The following SLC12A2 variants were observed in gnomAD, a reference collection of about 807,000 sequenced individuals.
SLC12A2 encodes solute carrier family 12 member 2.
In SLC12A2, 67 loss-of-function variants were observed where a neutral mutation model predicts 136.3. The ratio of observed to expected loss-of-function variants is 0.49; its 90% CI spans 0.40 to 0.60. The LOEUF is 0.60. Ranked by LOEUF, SLC12A2 falls within the 20% of genes least tolerant of loss-of-function variation. SLC12A2 has a pLI of 0.00. For synonymous variants in SLC12A2, 619 were observed against 562.9 expected (o/e 1.10, Z -1.41); for missense variants, 1,322 against 1,534.7 (o/e 0.86, Z 2.32).
Position 128,148,744 on chromosome 5 carries a change from C to A in SLC12A2, c.1882-10C>A. The A allele has an allele frequency of 1.3e-6, 2 of 1,567,432 alleles. No homozygotes were observed. Among genetic ancestry groups the A allele is most frequent in the Non-Finnish European group, 8.6e-7 (1 of 1,163,676 alleles). ...TTAATATGTTTCATTTTAATGTTTT[C>A]TTTCATTAGGCTCTATGTAAGGACA... On this transcript the variant is annotated splice_polypyrimidine_tract_variant and intron_variant, in intron 11 of 26. Transcript: ENST00000262461.
intron 1 of SLC12A2, among the ~76,000 whole-genome samples, chr5:128,112,350 C>A (rs1052573026): frequency 6.6e-6 from 1 of 152,096 alleles, no homozygotes; most frequent in Admixed American, 6.5e-5. Context: ...CATGGGATTC[C>A]TGCTGTCATG....
In SLC12A2 at chr5:128,112,799, T is replaced by TC; in HGVS notation, c.757-14dup. On this transcript the variant is annotated splice_polypyrimidine_tract_variant and intron_variant, in intron 1 of 26. Coordinates refer to ENST00000262461, the MANE Select transcript of SLC12A2 (RefSeq NM_001046.3). ...TTAAATGTTAAGCATAATTCATATT[T>TC]CTTTTTATAACCAGGAACCTTTTGA... The TC allele has an allele frequency of 6.3e-7, 1 of 1,583,956 alleles. No individual in the cohort carries two copies. Among genetic ancestry groups the TC allele is most frequent in the Non-Finnish European group, 8.6e-7 (1 of 1,165,442 alleles).
At chr5:128,126,967 T>TATATATATATATATATATATAA (rs1491322749) in intron 4 of SLC12A2, among the ~76,000 whole-genome samples, 4 of 29,650 alleles carry the variant, frequency 1.3e-4, no homozygotes, top group African/African-American at 7.7e-4. Flanking sequence ...TATATATATA[T>TATATATATATATATATATATAA]TTTTTTTTTT....
In SLC12A2 at chr5:128,182,460, G is replaced by A. The variant is rs146613357; in HGVS notation, c.3213-395G>A. ...CCCACAGGTCATATTTGGGCCCTGAGATAAGTGTTCTTGGATGGAAGAATA... is the reference window on the plus strand; with the variant it reads ...CCCACAGGTCATATTTGGGCCCTGAAATAAGTGTTCTTGGATGGAAGAATA... On this transcript the variant is annotated intron_variant, in intron 23 of 26. Transcript: ENST00000262461. Among the ~76,000 whole-genome samples the A allele has an allele frequency of 6.0e-3, 906 of 152,180 alleles. 14 individuals carry two copies. Among genetic ancestry groups the A allele is most frequent in the African/African-American group, 0.019 (791 of 41,536 alleles).
chr5:128,116,698 T>C (rs918996469), intron 4 of SLC12A2, among the ~76,000 whole-genome samples: 8 of 152,170 alleles, frequency 5.3e-5, no homozygotes, highest in Non-Finnish European at 8.8e-5. Context: ...GTTATTAATT[T>C]AAAGAGTGAC....
At chr5:128,142,104 A>G in intron 10 of SLC12A2, 123 bp downstream of exon 10, 1 of 847,112 alleles carries the variant, frequency 1.2e-6, no homozygotes, top group Non-Finnish European at 1.8e-6. Flanking sequence ...ATTTTTTTTA[A>G]TTTTTAATTT....
intron 4 of SLC12A2, among the ~76,000 whole-genome samples, chr5:128,116,960 CTG>C (rs369676094): frequency 6.6e-6 from 1 of 152,126 alleles, no homozygotes; most frequent in African/African-American, 2.4e-5. Context: ...AGGCATAAAA[CTG>C]AGATCACATT....
chr5:128,093,404 C>A (rs993828035), intron 1 of SLC12A2, among the ~76,000 whole-genome samples: 4 of 152,080 alleles, frequency 2.6e-5, no homozygotes, highest in Non-Finnish European at 4.4e-5. Context: ...CGTCTTCTAC[C>A]CACACTCCTC....
intron 16 of SLC12A2, among the ~76,000 whole-genome samples, chr5:128,160,272 G>C (rs1301157307): frequency 6.6e-6 from 1 of 151,942 alleles, no homozygotes; most frequent in Non-Finnish European, 1.5e-5. Context: ...ATAGCATTAG[G>C]TGAAATACCT....
intron 11 of SLC12A2, 33 bp from the exon 12 acceptor site, chr5:128,148,721 A>G: frequency 6.5e-7 from 1 of 1,534,276 alleles, no homozygotes; most frequent in Non-Finnish European, 8.8e-7. Flanking sequence ...GTCTAATTTT[A>G]ATATGTTTCA....
At chr5:128,164,026 G>A (rs1477129793) in intron 17 of SLC12A2, among the ~76,000 whole-genome samples, 2 of 152,078 alleles carry the variant, frequency 1.3e-5, no homozygotes, top group Non-Finnish European at 2.9e-5. Context: ...CATTCTGATA[G>A]CCAATTTATA....
intron 7 of SLC12A2, among the ~76,000 whole-genome samples, chr5:128,138,272 T>C (rs571013262): frequency 6.6e-6 from 1 of 152,252 alleles, no homozygotes; most frequent in East Asian, 1.9e-4. Context: ...TCTTGCTTCT[T>C]TTACCTCAGA....
intron 1 of SLC12A2, among the ~76,000 whole-genome samples, chr5:128,100,155 G>T (rs1214975516): frequency 6.6e-6 from 1 of 152,134 alleles, no homozygotes; most frequent in Non-Finnish European, 1.5e-5. Flanking sequence ...GTCAGTAGGA[G>T]AGGAATGTTT....
At chr5:128,087,169 A>G (rs993764417) in intron 1 of SLC12A2, among the ~76,000 whole-genome samples, 1 of 152,238 alleles carries the variant, frequency 6.6e-6, no homozygotes, top group African/African-American at 2.4e-5. Flanking sequence ...CTGTAGGGGA[A>G]AAGATAAATA....
intron 16 of SLC12A2, 110 bp from the exon 17 acceptor site, chr5:128,161,550 C>A: frequency 1.9e-6 from 1 of 540,168 alleles, no homozygotes; most frequent in Non-Finnish European, 2.9e-6. Context: ...ATACTTCTGA[C>A]CCTACATTTA....
chr5:128,170,898 C>G (rs1217197763), intron 18 of SLC12A2: 2 of 152,068 alleles, frequency 1.3e-5, no homozygotes, highest in Non-Finnish European at 2.9e-5. Context: ...GAGTTCAAGA[C>G]CAGCCTGGCC....
intron 1 of SLC12A2, among the ~76,000 whole-genome samples, chr5:128,105,012 G>A (rs1312910841): frequency 6.6e-6 from 1 of 151,986 alleles, no homozygotes; most frequent in Non-Finnish European, 1.5e-5. Flanking sequence ...TATAACATGT[G>A]GAATTCTGTC....
rs1410989968 is a variant in SLC12A2, at chr5:128,084,747, T to C, written c.756+37T>C. The C allele has an allele frequency of 6.6e-7, 1 of 1,508,946 alleles. No individual in the cohort carries two copies. The highest frequency in any genetic ancestry group is 2.4e-5 in the East Asian group (1 of 41,016). The allele number at this position is 1,508,946 out of a possible 1,614,324, so 93.5% of individuals were successfully genotyped here. On this transcript the variant is annotated intron_variant, in intron 1 of 26. Transcript: ENST00000262461. This position sits in a 1 kb window ranked among gnomAD's most constrained non-coding sequence, Gnocchi z 5.6. ...CAGCCCTCCCTTCTTCCCCAGCCCC[T>C]GGTGCATGCCGACCGCGGGATGTGG...
intron 1 of SLC12A2, among the ~76,000 whole-genome samples, chr5:128,107,246 C>T (rs573339435): frequency 3.9e-5 from 6 of 152,186 alleles, no homozygotes; most frequent in Non-Finnish European, 8.8e-5. Flanking sequence ...GATTGAGCTA[C>T]ACAGTCCCCT....
Sources: gnomAD v4.1 joint callset for allele counts (sites outside exome capture counted in the v4.1 genomes callset) on GRCh38, gnomAD v4.1.1 for gene constraint, Gnocchi (gnomAD v3.1) non-coding constraint, MANE v1.5 for transcripts, NCBI Gene and HGNC (gene_info 2026-07-23, HGNC 2026-07-21) for gene names.